Variants in KDM5B observed in about 807,000 individuals in gnomAD.
KDM5B encodes lysine demethylase 5B, also known as lysine-specific demethylase 5B.
Under a neutral mutation model 193.4 loss-of-function variants are expected in KDM5B, and 144 were observed. The ratio of observed to expected loss-of-function variants is 0.74; its 90% CI spans 0.65 to 0.86. The LOEUF is 0.86. Ranked by LOEUF, KDM5B falls within the 40% of genes least tolerant of loss-of-function variation. The pLI is 0.00. For missense variants in KDM5B, 1,833 were observed against 1,886.9 expected, an observed-to-expected ratio of 0.97 and a Z score of 0.53; for synonymous variants, 668 against 682.6, an observed-to-expected ratio of 0.98 and a Z score of 0.33.
chr1:202,791,454 T>A (rs553087516), intron 1 of KDM5B, among the ~76,000 whole-genome samples: 1 of 152,312 alleles, frequency 6.6e-6, no homozygotes, highest in Admixed American at 6.5e-5. Flanking sequence ...ACACATTTCC[T>A]GGTACCTCCA....
At chr1:202,804,849 G>A (rs1330539434) in intron 1 of KDM5B, among the ~76,000 whole-genome samples, 6 of 123,998 alleles carry the variant, frequency 4.8e-5, no homozygotes, top group African/African-American at 1.7e-4. Context: ...TGGGCAACAA[G>A]AGCAAAATTC....
intron 8 of KDM5B, among the ~76,000 whole-genome samples, chr1:202,759,598 T>C (rs992846781): frequency 6.6e-6 from 1 of 151,952 alleles, no homozygotes; most frequent in East Asian, 1.9e-4. Context: ...TAGATCCTTT[T>C]TAGATTTTAC....
At position 202,788,878 on chromosome 1, in the gene KDM5B, G is replaced by C. The variant is rs946170238; in HGVS notation, c.205-11784C>G. 3.3e-5 allele frequency among the ~76,000 whole-genome samples: 5 copies of C among 152,236 alleles called. No homozygotes were observed. In the East Asian group the frequency reaches 9.6e-4, roughly 29 times the overall value. ...GAAAAAATTTCTGGCAGAAAACTGA[G>C]GCTGCCAAGGTTAAGAAAGGATTAT... On this transcript the variant is annotated intron_variant, in intron 1 of 26. Transcript: ENST00000367265.
At chr1:202,731,173 C>T (rs1201251471) in intron 24 of KDM5B, 110 bp from the exon 25 acceptor site, 5 of 764,122 alleles carry the variant, frequency 6.5e-6, no homozygotes, top group Non-Finnish European at 8.0e-6. Flanking sequence ...CTACTACCCT[C>T]TCCTTCTTAA....
chr1:202,743,307 A>C (rs1175504407), intron 16 of KDM5B, among the ~76,000 whole-genome samples: 1 of 135,724 alleles, frequency 7.4e-6, no homozygotes, highest in Non-Finnish European at 1.5e-5. Flanking sequence ...ACTGCACTCC[A>C]GTTGAGATGA....
chr1:202,741,224 TATCTC>T (rs1655323905), intron 19 of KDM5B, 138 bp downstream of exon 19: 1 of 534,766 alleles, frequency 1.9e-6, no homozygotes, highest in East Asian at 3.0e-5. Context: ...CAGCTCCAAA[TATCTC>T]AGCTATTTCT....
chr1:202,729,417 A>T, intron 26 of KDM5B: 1 of 600,078 alleles, frequency 1.7e-6, no homozygotes, highest in Non-Finnish European at 2.9e-6. Flanking sequence ...GTGATAAGTA[A>T]GCCAAAGGGC....
intron 4 of KDM5B, among the ~76,000 whole-genome samples, chr1:202,767,836 G>T (rs181906541): frequency 6.6e-6 from 1 of 152,114 alleles, no homozygotes; most frequent in African/African-American, 2.4e-5. Context: ...GTCAGTTAAT[G>T]GAAGGTCCAT....
At chr1:202,741,270 C>G in intron 19 of KDM5B, 97 bp downstream of exon 19, 7 of 769,744 alleles carry the variant, frequency 9.1e-6, no homozygotes, top group Non-Finnish European at 1.4e-5. Flanking sequence ...ATAACCGCAG[C>G]TACTGAGCAC....
chr1:202,745,290 A>T (rs1293113935), intron 16 of KDM5B, among the ~76,000 whole-genome samples: 1 of 152,244 alleles, frequency 6.6e-6, no homozygotes, highest in Admixed American at 6.5e-5. Flanking sequence ...AAGTTTATCT[A>T]TGTAACAAGC....
At chr1:202,758,276 C>T in intron 9 of KDM5B, 115 bp downstream of exon 9, 1 of 716,656 alleles carries the variant, frequency 1.4e-6, no homozygotes, top group South Asian at 3.8e-5. Context: ...TTTCATTCTG[C>T]TTTCTGTGTG....
intron 1 of KDM5B, among the ~76,000 whole-genome samples, chr1:202,803,069 G>A (rs1273105167): frequency 3.3e-5 from 5 of 151,996 alleles, no homozygotes. Context: ...GCTGAGGAGG[G>A]AGGAGCACTT....
rs138372471 is a variant in KDM5B at position 202,786,775 on chromosome 1, G to T, written c.205-9681C>A. 7.8e-3 allele frequency among the ~76,000 whole-genome samples: 1,183 copies of T among 152,266 alleles called. 18 individuals carry two copies. The highest frequency in any genetic ancestry group is 0.027 in the African/African-American group (1,118 of 41,546). On this transcript the variant is annotated intron_variant, in intron 1 of 26. Transcript: ENST00000367265. Reference sequence around the variant, plus strand: ...GAAAATACACATATTGGCCGGGCGTGGTGGCTCACACCTGTAATCCCAGCA... The same window carrying T: ...GAAAATACACATATTGGCCGGGCGTTGTGGCTCACACCTGTAATCCCAGCA...
chr1:202,740,246 TC>T (rs1655265660), intron 20 of KDM5B, among the ~76,000 whole-genome samples: 1 of 137,500 alleles, frequency 7.3e-6, no homozygotes, highest in Non-Finnish European at 1.5e-5. Context: ...CCCTCCCGCC[TC>T]CCTCCCGGAC....
chr1:202,740,609 C>A (rs978156814), intron 20 of KDM5B, 65 bp downstream of exon 20: 1 of 1,471,934 alleles, frequency 6.8e-7, no homozygotes, highest in Non-Finnish European at 9.2e-7. Flanking sequence ...CCCTCCCGGA[C>A]GGGGCGCCAA....
intron 20 of KDM5B, among the ~76,000 whole-genome samples, chr1:202,739,703 C>G (rs1424349725): frequency 2.0e-5 from 3 of 152,164 alleles, no homozygotes; most frequent in African/African-American, 7.2e-5. Context: ...CTTCAAGCAT[C>G]TGTTAAACAA....
At chr1:202,781,643 G>C (rs1044972142) in intron 1 of KDM5B, among the ~76,000 whole-genome samples, 12 of 152,186 alleles carry the variant, frequency 7.9e-5, no homozygotes, top group Non-Finnish European at 1.5e-4. Context: ...ACTGCTTCTT[G>C]ATATTCTATG....
At chr1:202,780,859 T>A (rs796074136) in intron 1 of KDM5B, among the ~76,000 whole-genome samples, 1 of 151,884 alleles carries the variant, frequency 6.6e-6, no homozygotes, top group African/African-American at 2.4e-5. Context: ...CATATACATA[T>A]GACAAAAACC....
At chr1:202,739,736 A>G (rs1655233896) in intron 20 of KDM5B, among the ~76,000 whole-genome samples, 1 of 152,266 alleles carries the variant, frequency 6.6e-6, no homozygotes, top group South Asian at 2.1e-4. Context: ...ACCGCCCTTA[A>G]TCCATTTAAC....
Sources: allele counts gnomAD v4.1 joint callset (sites outside exome capture counted in the v4.1 genomes callset), GRCh38; gene constraint gnomAD v4.1.1; transcripts MANE v1.5; gene names NCBI Gene and HGNC (gene_info 2026-07-23, HGNC 2026-07-21).